The following TACC2 variants were observed in gnomAD, a reference collection of about 807,000 sequenced individuals.
TACC2 encodes the protein transforming acidic coiled-coil-containing protein 2.
In TACC2, 137 loss-of-function variants were observed where a neutral mutation model predicts 227.3. That is an observed-to-expected ratio of 0.60 (90% CI 0.52 to 0.69). The LOEUF is 0.69. TACC2 is among the 30% of genes least tolerant of loss of function. The pLI, the probability that TACC2 is intolerant of heterozygous loss-of-function variation, is 0.00. For synonymous variants in TACC2, 1,523 were observed against 1,487.5 expected (o/e 1.02, Z -0.55); for missense variants, 3,470 against 3,694.4 (o/e 0.94, Z 1.57).
At chr10:122,228,218 A>G (rs1345662077) in intron 14 of TACC2, among the ~76,000 whole-genome samples, 1 of 152,158 alleles carries the variant, frequency 6.6e-6, no homozygotes, top group Non-Finnish European at 1.5e-5. Context: ...ATGGTTTTGC[A>G]TTTCCCACTT....
rs563990407 is a variant in TACC2 at position 122,059,049 on chromosome 10, C to T, written c.146+8499C>T. 1.8e-4 allele frequency among the ~76,000 whole-genome samples: 26 copies of T among 144,528 alleles called. No homozygotes were observed. The East Asian group carries it at 2.1e-3, about 12-fold the overall frequency. The allele number at this position is 144,528 out of a possible 152,430, so 94.8% of individuals were successfully genotyped here. A position where few individuals can be genotyped will look rare whatever the true frequency, so the allele number is the denominator to read the frequency against. Reference sequence around the variant, plus strand: ...CTGGGATTACAGGCGCCTGCCACTACGCCTGGCTAATTTGTTGTTGTTGTT... The same window carrying T: ...CTGGGATTACAGGCGCCTGCCACTATGCCTGGCTAATTTGTTGTTGTTGTT... On this transcript the variant is annotated intron_variant, in intron 3 of 22. Coordinates refer to ENST00000369005, the MANE Select transcript of TACC2 (RefSeq NM_206862.4).
intron 7 of TACC2, among the ~76,000 whole-genome samples, chr10:122,190,325 T>C (rs951529522): frequency 6.6e-6 from 1 of 152,214 alleles, no homozygotes. Context: ...ACGCCCTTCT[T>C]TCACACGGTG....
At chr10:122,125,322 A>G (rs1447539615) in intron 5 of TACC2, among the ~76,000 whole-genome samples, 6 of 151,960 alleles carry the variant, frequency 3.9e-5, no homozygotes, top group Admixed American at 3.3e-4. Context: ...CAGCCTCCCA[A>G]GTAGCTGAGA....
At chr10:122,216,866 C>G in intron 11 of TACC2, 38 bp downstream of exon 11, 2 of 1,614,134 alleles carry the variant, frequency 1.2e-6, no homozygotes, top group Non-Finnish European at 1.7e-6. Flanking sequence ...CCCACTCTGC[C>G]TCGGAGAATC....
chr10:122,037,161 G>T (rs1214226148), intron 2 of TACC2, among the ~76,000 whole-genome samples: 1 of 152,224 alleles, frequency 6.6e-6, no homozygotes, highest in Admixed American at 6.6e-5. Flanking sequence ...AGTGTAACAG[G>T]TATGGGAGAA....
At chr10:122,242,983 A>C (rs915628579) in intron 19 of TACC2, among the ~76,000 whole-genome samples, 2 of 152,012 alleles carry the variant, frequency 1.3e-5, no homozygotes, top group African/African-American at 2.4e-5. Context: ...TCGTTCTGTC[A>C]CCCAGGCTGG....
chr10:122,253,913 C>T (rs2096295421), intron 22 of TACC2, 78 bp from the exon 23 acceptor site: 2 of 1,240,982 alleles, frequency 1.6e-6, no homozygotes, highest in Non-Finnish European at 2.4e-6. Flanking sequence ...GGTCCCCCAT[C>T]TCCCCAAAAA....
At chr10:122,239,488 A>G (rs1384204835) in intron 18 of TACC2, among the ~76,000 whole-genome samples, 1 of 152,226 alleles carries the variant, frequency 6.6e-6, no homozygotes, top group Non-Finnish European at 1.5e-5. Flanking sequence ...CATTGAGCCT[A>G]GCGTGCTATT....
chr10:122,238,250 G>C (rs965185337), intron 18 of TACC2, among the ~76,000 whole-genome samples: 1 of 152,106 alleles, frequency 6.6e-6, no homozygotes, highest in Non-Finnish European at 1.5e-5. Context: ...TCAAATAAAT[G>C]TATGTACAAT....
Position 122,237,410 on chromosome 10 carries a change from C to T in TACC2, c.8143C>T (p.Pro2715Ser). ...HQDAKREAAH[P>S]TDVSISKTAL... ...GATTCCACAGAGAGAGGCTGCTCAC[C>T]CAACAGACGTCTCCATCTCCAAAAC... Residue 2715 changes from proline (P) to serine (S), a missense_variant, in exon 17 of 23, where the codon CCA (proline) becomes TCA (serine). By Grantham distance (74) the Pro-to-Ser change is moderately conservative. This residue lies in a region of TACC2 where 345 missense variants were observed against 354.4 expected (regional missense o/e 0.97). Coordinates refer to ENST00000369005, the MANE Select transcript of TACC2 (RefSeq NM_206862.4). 1 of 1,612,292 alleles carries T rather than the reference C, an allele frequency of 6.2e-7. No homozygotes were observed. Among genetic ancestry groups the T allele is most frequent in the Middle Eastern group, 1.7e-4 (1 of 6,056 alleles).
At chr10:122,159,419 G>C (rs113626923) in intron 7 of TACC2, among the ~76,000 whole-genome samples, 26 of 152,318 alleles carry the variant, frequency 1.7e-4, no homozygotes, top group African/African-American at 6.0e-4. Context: ...ACATGTCCCT[G>C]CTCCTGTTGA....
intron 7 of TACC2, among the ~76,000 whole-genome samples, chr10:122,148,978 T>C (rs1275629490): frequency 6.6e-6 from 1 of 152,260 alleles, no homozygotes; most frequent in African/African-American, 2.4e-5. Flanking sequence ...CCCTCCATCG[T>C]AGCCCTCCTG....
Position 122,122,605 on chromosome 10 carries a change from G to T in TACC2, c.5574-10004G>T, listed in dbSNP as rs547016774. Among the ~76,000 whole-genome samples the T allele has an allele frequency of 5.3e-4, 81 of 151,772 alleles. No homozygotes were observed. In the Middle Eastern group the frequency reaches 0.014, roughly 25 times the overall value. ...GGCTCCAGGGTCCGTTTGATAAGCT[G>T]CTTTCCCCGGGGTCCTGTGGGAGAC... On this transcript the variant is annotated intron_variant, in intron 5 of 22. Transcript: ENST00000369005.
rs181238749 is a variant in TACC2 at position 122,137,024 on chromosome 10, G to A, written c.5699+4290G>A. Among the ~76,000 whole-genome samples, 68 of 151,962 alleles carry A rather than the reference G, an allele frequency of 4.5e-4. 1 individual carries two copies. Among genetic ancestry groups the A allele is most frequent in the African/African-American group, 1.4e-3 (60 of 41,446 alleles). On this transcript the variant is annotated intron_variant, in intron 6 of 22. Coordinates refer to ENST00000369005, the MANE Select transcript of TACC2 (RefSeq NM_206862.4). ...CAAGAGCTCTTTTTTTTTCTGAGTA[G>A]CGGAAAAAGAAGGCACCTCTATCTC...
rs762196038 is a variant in TACC2 at position 122,132,734 on chromosome 10, G to T, written c.5699G>T (p.Ser1900Ile). Reference sequence around the variant, plus strand: ...GTCTCTACGGATCTGATAGCCCAGAGGTACGGTGGGGGCCCTGGAGCTGGT... The same window carrying T: ...GTCTCTACGGATCTGATAGCCCAGATGTACGGTGGGGGCCCTGGAGCTGGT... ...GQVSTDLIAQ[S>I]ISPAAAHAGL... The change falls in exon 6 of 23, where the codon AGC becomes ATC. Residue 1900 changes from serine to isoleucine, a missense_variant and splice_region_variant. Coordinates refer to ENST00000369005, the MANE Select transcript of TACC2 (RefSeq NM_206862.4). The T allele has an allele frequency of 6.2e-7, 1 of 1,614,100 alleles. No individual in the cohort carries two copies.
At chr10:122,220,045 AAAAAAAG>A (rs1409256842) in intron 11 of TACC2, among the ~76,000 whole-genome samples, 1 of 151,976 alleles carries the variant, frequency 6.6e-6, no homozygotes, top group Non-Finnish European at 1.5e-5. Context: ...CTCCAAAAAA[AAAAAAAG>A]AAAAAAGAAA....
At chr10:122,212,602 G>A (rs574499614) in intron 9 of TACC2, among the ~76,000 whole-genome samples, 3 of 152,320 alleles carry the variant, frequency 2.0e-5, no homozygotes, top group East Asian at 3.9e-4. Context: ...GTCTCCCAGG[G>A]GCAGCAGAAC....
rs1319427599 is a variant in TACC2, at chr10:122,248,625, C to G, written c.8393-18C>G. 1 of 1,612,170 alleles carries G rather than the reference C, an allele frequency of 6.2e-7. No individual in the cohort carries two copies. Among genetic ancestry groups the G allele is most frequent in the Non-Finnish European group, 8.5e-7 (1 of 1,179,980 alleles). On this transcript the variant is annotated intron_variant, in intron 19 of 22. Transcript: ENST00000369005. ...ACTTTCTGGGCTCCATCATTTGGCT[C>G]CTGGTCTCTCCTGCCAGAGGACGAA...
At chr10:122,224,932 G>A in intron 12 of TACC2, 145 bp downstream of exon 12, 1 of 680,132 alleles carries the variant, frequency 1.5e-6, no homozygotes. Context: ...CAGCAGTGAT[G>A]GACTGGGGCT....
Sources: allele counts gnomAD v4.1 joint callset (sites outside exome capture counted in the v4.1 genomes callset), GRCh38; gene constraint gnomAD v4.1.1; regional missense constraint gnomAD v4.1.1; transcripts MANE v1.5; gene names NCBI Gene and HGNC (gene_info 2026-07-23, HGNC 2026-07-21).